The following GNAL variants were observed in gnomAD, a reference collection of about 807,000 sequenced individuals.
GNAL encodes the protein G protein subunit alpha L, also known as guanine nucleotide-binding protein G(olf) subunit alpha.
A neutral mutation model predicts 55.1 loss-of-function variants in GNAL; 18 were observed. The observed-to-expected ratio is 0.33, with a 90% CI of 0.23 to 0.48. GNAL has a LOEUF of 0.48. GNAL is among the 20% of genes least tolerant of loss of function. GNAL has a pLI of 0.99. For missense variants in GNAL, 412 were observed against 614.1 expected, an observed-to-expected ratio of 0.67 and a Z score of 3.48; for synonymous variants, 253 against 237.0, an observed-to-expected ratio of 1.07 and a Z score of -0.62.
Position 11,753,954 on chromosome 18 carries a change from T to C in GNAL, c.624+9T>C, listed in dbSNP as rs752714566. On this transcript the variant is annotated intron_variant, in intron 4 of 11. Transcript: ENST00000334049. ...ACTTTGAATATTCCCAGGTAAGAAA[T>C]GCTTACTGAAATATTCTAACTAGTG... The C allele has an allele frequency of 2.5e-6, 4 of 1,594,420 alleles. No individual in the cohort carries two copies. Among genetic ancestry groups the C allele is most frequent in the Non-Finnish European group, 3.4e-6 (4 of 1,164,042 alleles).
intron 4 of GNAL, among the ~76,000 whole-genome samples, chr18:11,820,125 A>T (rs2035055480): frequency 6.6e-6 from 1 of 152,198 alleles, no homozygotes; most frequent in Non-Finnish European, 1.5e-5. Flanking sequence ...CATCTTGGTG[A>T]CAGCTCTCTG....
chr18:11,793,865 G>A (rs1395842211), intron 4 of GNAL, among the ~76,000 whole-genome samples: 1 of 148,664 alleles, frequency 6.7e-6, no homozygotes, highest in East Asian at 2.0e-4. Context: ...AGCCGAGATT[G>A]CACGCCACTG....
intron 4 of GNAL, among the ~76,000 whole-genome samples, chr18:11,789,029 C>T (rs919648690): frequency 1.3e-5 from 2 of 149,724 alleles, no homozygotes; most frequent in East Asian, 3.9e-4. Flanking sequence ...CTTGATACCA[C>T]AAGTTCCATC....
At chr18:11,779,638 T>C (rs563030723) in intron 4 of GNAL, among the ~76,000 whole-genome samples, 1 of 152,084 alleles carries the variant, frequency 6.6e-6, no homozygotes, top group Admixed American at 6.5e-5. Context: ...AAAATGCGGG[T>C]CAATGGGAAT....
chr18:11,739,814 A>G (rs548039250), intron 1 of GNAL, among the ~76,000 whole-genome samples: 114 of 150,836 alleles, frequency 7.6e-4, no homozygotes, highest in African/African-American at 2.8e-3. Context: ...TGATGACCCA[A>G]TTTGGTGTCC....
At chr18:11,741,915 G>A (rs1290399459) in intron 1 of GNAL, among the ~76,000 whole-genome samples, 1 of 152,066 alleles carries the variant, frequency 6.6e-6, no homozygotes, top group African/African-American at 2.4e-5. Context: ...AGAGTACAGC[G>A]CAGTAGCATT....
intron 4 of GNAL, among the ~76,000 whole-genome samples, chr18:11,788,063 T>C (rs12606210): frequency 0.11 from 17,018 of 152,126 alleles, 1,300 homozygotes; most frequent in East Asian, 0.32. Context: ...TCCTTGACCA[T>C]ACCTGGAGCC....
intron 1 of GNAL, among the ~76,000 whole-genome samples, chr18:11,691,175 C>T (rs2031236111): frequency 6.6e-6 from 1 of 151,944 alleles, no homozygotes; most frequent in Admixed American, 6.5e-5. Flanking sequence ...GATGGTATCT[C>T]ATTGTGGTTT....
chr18:11,788,914 A>AATAT lies in GNAL; in HGVS notation c.624+34989_624+34992dup, dbSNP rs766675246. ...TCCGTCTCGAAAAAAAAAAAAAAAA[A>AATAT]ATATATATATATATATATATATACA... On this transcript the variant is annotated intron_variant, in intron 4 of 11. Transcript: ENST00000334049. Among the ~76,000 whole-genome samples, 134 of 56,230 alleles carry AATAT rather than the reference A, an allele frequency of 2.4e-3. 2 individuals carry two copies. The highest frequency in any genetic ancestry group is 5.0e-3 in the East Asian group (7 of 1,406). 36.9% of individuals were successfully genotyped at this position (56,230 alleles called of 152,430 possible).
chr18:11,776,892 G>A (rs372378473), intron 4 of GNAL, among the ~76,000 whole-genome samples: 1 of 151,926 alleles, frequency 6.6e-6, no homozygotes, highest in East Asian at 1.9e-4. Flanking sequence ...TCTACCCTTC[G>A]AGCTGATAGT....
intron 4 of GNAL, among the ~76,000 whole-genome samples, chr18:11,776,156 C>A (rs749397193): frequency 2.0e-5 from 3 of 152,226 alleles, no homozygotes; most frequent in Non-Finnish European, 2.9e-5. Context: ...AAATCTGACT[C>A]TGCTGGCTTC....
At chr18:11,817,403 G>A (rs1208852530) in intron 4 of GNAL, among the ~76,000 whole-genome samples, 1 of 152,150 alleles carries the variant, frequency 6.6e-6, no homozygotes, top group Non-Finnish European at 1.5e-5. Flanking sequence ...GATTGTTTGA[G>A]ACAGATAGAC....
Position 11,787,671 on chromosome 18 carries a change from G to A in GNAL, c.624+33726G>A, listed in dbSNP as rs1267017898. ...GGGCGGATCACGAGGTCAGGAGATCGAGACCATCCTGGCTAACACAGTGAA... is the reference window on the plus strand; with the variant it reads ...GGGCGGATCACGAGGTCAGGAGATCAAGACCATCCTGGCTAACACAGTGAA... On this transcript the variant is annotated intron_variant, in intron 4 of 11. Transcript: ENST00000334049. 2.6e-5 allele frequency among the ~76,000 whole-genome samples: 4 copies of A among 152,130 alleles called. No homozygotes were observed. The South Asian group carries it at 6.2e-4, about 24-fold the overall frequency.
At chr18:11,875,410 T>A (rs1428201510) in intron 10 of GNAL, among the ~76,000 whole-genome samples, 1 of 152,182 alleles carries the variant, frequency 6.6e-6, no homozygotes, top group East Asian at 1.9e-4. Context: ...AACCAAATCT[T>A]TTGTGGAATT....
intron 6 of GNAL, among the ~76,000 whole-genome samples, 186 bp downstream of exon 6, chr18:11,862,635 C>T (rs1450590191): frequency 1.3e-5 from 2 of 152,220 alleles, no homozygotes; most frequent in Admixed American, 1.3e-4. Context: ...GCTCCCCTGA[C>T]TCTAGCACTT....
chr18:11,869,144 TTA>T (rs1248556202), intron 9 of GNAL, among the ~76,000 whole-genome samples: 4 of 136,998 alleles, frequency 2.9e-5, no homozygotes, highest in African/African-American at 9.2e-5. Context: ...TTTTTTTTTA[TTA>T]TTTTTTTTTT....
intron 1 of GNAL, among the ~76,000 whole-genome samples, chr18:11,724,462 G>A (rs185762105): frequency 9.8e-5 from 15 of 152,366 alleles, no homozygotes; most frequent in Admixed American, 9.8e-4. Context: ...AGACGGTGCA[G>A]TGCTGTAGCT....
At chr18:11,761,082 G>T (rs2033225792) in intron 4 of GNAL, among the ~76,000 whole-genome samples, 1 of 152,162 alleles carries the variant, frequency 6.6e-6, no homozygotes, top group South Asian at 2.1e-4. Context: ...GCTGGGGCTG[G>T]TTGGTGGCCC....
At chr18:11,723,421 A>G (rs889387737) in intron 1 of GNAL, among the ~76,000 whole-genome samples, 4 of 152,252 alleles carry the variant, frequency 2.6e-5, no homozygotes, top group African/African-American at 9.6e-5. Context: ...GATTTAGCCC[A>G]CAGGCCTTGG....
Sources: gnomAD v4.1 joint callset for allele counts (sites outside exome capture counted in the v4.1 genomes callset) on GRCh38, gnomAD v4.1.1 for gene constraint, MANE v1.5 for transcripts, NCBI Gene and HGNC (gene_info 2026-07-23, HGNC 2026-07-21) for gene names.